MTMR10: variants seen among roughly 807,000 people sequenced by gnomAD.
The protein encoded by MTMR10 is myotubularin-related protein 10.
Under a neutral mutation model 88.1 loss-of-function variants are expected in MTMR10, and 56 were observed. That is an observed-to-expected ratio of 0.64 (90% CI 0.51 to 0.79). The LOEUF (loss-of-function observed/expected upper bound fraction) is 0.79, where lower values mean the gene tolerates loss of function less well. Among genes scored for constraint, MTMR10 ranks in the 30% least tolerant of loss-of-function variants. The probability of loss-of-function intolerance (pLI) is 0.00; values close to 1 mark genes in which losing one functional copy is unlikely to be tolerated. For missense variants in MTMR10, 883 were observed against 924.7 expected (o/e 0.95, Z 0.58); for synonymous variants, 380 against 340.9 (o/e 1.11, Z -1.26).
chr15:30,948,737 T>G, intron 12 of MTMR10: 1 of 506,940 alleles, frequency 2.0e-6, no homozygotes. Flanking sequence ...TACATTCGAA[T>G]GGTTTGTGGT....
intron 5 of MTMR10, among the ~76,000 whole-genome samples, chr15:30,969,131 A>G (rs2063507069): frequency 6.6e-6 from 1 of 152,172 alleles, no homozygotes; most frequent in Non-Finnish European, 1.5e-5. Context: ...TGCACATTTC[A>G]TTAACCAGTA....
chr15:30,945,462 C>T (rs772871305), intron 14 of MTMR10, among the ~76,000 whole-genome samples: 2 of 152,138 alleles, frequency 1.3e-5, no homozygotes, highest in Non-Finnish European at 2.9e-5. Context: ...GGCTGGGAGT[C>T]CTCCACGCAG....
At chr15:30,928,855 T>C in the MTMR10 span, 1 of 903,486 alleles carries the variant, frequency 1.1e-6, no homozygotes, top group African/African-American at 1.8e-5. Flanking sequence ...GTTTTAAACT[T>C]TAATTTAGCC....
At chr15:30,955,480 C>T (rs1212770393) in intron 9 of MTMR10, among the ~76,000 whole-genome samples, 3 of 152,186 alleles carry the variant, frequency 2.0e-5, no homozygotes, top group South Asian at 2.1e-4. Flanking sequence ...CCATGTTGGC[C>T]AGGCTGGTCT....
Position 30,974,437 on chromosome 15 carries a change from C to A in MTMR10, c.351G>T (p.Lys117Asn). 6.4e-7 allele frequency: 1 copy of A among 1,562,396 alleles called. No individual in the cohort carries two copies. The change falls in exon 5 of 16, where the codon AAG becomes AAT. Residue 117 changes from lysine to asparagine, a missense_variant. By Grantham distance (94) the Lys-to-Asn change is moderately conservative. Coordinates refer to ENST00000435680, the MANE Select transcript of MTMR10 (RefSeq NM_017762.3). ...QIVTVNDHKR[K>N]QKVLGPNQKL... ...TCTGGTTGGGGCCTAGGACTTTCTG[C>A]TTCCTCTTGTGGTCGTTTACTAAAA...
Position 30,948,385 on chromosome 15 carries a change from G to GA in MTMR10, c.1293dup (p.Gln432SerfsTer51). On this transcript the variant is annotated frameshift_variant, in exon 13 of 16. Transcript: ENST00000435680. LOFTEE classifies it high-confidence loss of function. ...ACCCACTCCTTCTGTATCAGACTCTGAAATCCAGTAATTGTCCTAAAATAG... is the reference window on the plus strand; with the variant it reads ...ACCCACTCCTTCTGTATCAGACTCTGAAAATCCAGTAATTGTCCTAAAATAG... The GA allele has an allele frequency of 6.2e-7, 1 of 1,613,608 alleles. No individual in the cohort carries two copies. The highest frequency in any genetic ancestry group is 8.5e-7 in the Non-Finnish European group (1 of 1,179,702).
intron 2 of MTMR10, among the ~76,000 whole-genome samples, chr15:30,985,549 TA>T (rs1214118310): frequency 2.0e-5 from 3 of 152,216 alleles, no homozygotes; most frequent in Non-Finnish European, 2.9e-5. Flanking sequence ...GCAAGTTACT[TA>T]ACCTCAGCAA....
chr15:30,974,422 G>A lies in MTMR10; in HGVS notation c.366C>T (p.Gly122=), dbSNP rs947023909. Residue 122 remains glycine (G), a synonymous_variant, in exon 5 of 16, where the codon GGC becomes GGT. Transcript: ENST00000435680. Reference sequence around the variant, plus strand: ...GATTAAATTTCAGTTTCTGGTTGGGGCCTAGGACTTTCTGCTTCCTCTTGT... The same window carrying A: ...GATTAAATTTCAGTTTCTGGTTGGGACCTAGGACTTTCTGCTTCCTCTTGT... ...NDHKRKQKVL[G]PNQKLKFNPT... 1.9e-6 allele frequency: 3 copies of A among 1,583,434 alleles called. No individual in the cohort carries two copies. Among genetic ancestry groups the A allele is most frequent in the African/African-American group, 1.4e-5 (1 of 73,774 alleles).
chr15:30,924,456 G>A, the MTMR10 span, among the ~76,000 whole-genome samples: 1 of 152,188 alleles, frequency 6.6e-6, no homozygotes, highest in Non-Finnish European at 1.5e-5. Flanking sequence ...CACCAGCAAT[G>A]CGTGAGGTTT....
chr15:30,991,077 G>A (rs1312340887), intron 1 of MTMR10, among the ~76,000 whole-genome samples: 2 of 152,160 alleles, frequency 1.3e-5, no homozygotes, highest in Non-Finnish European at 2.9e-5. Context: ...TATGACAGAC[G>A]GGTAACCGCC....
the MTMR10 span, chr15:30,925,187 T>G: frequency 6.2e-7 from 1 of 1,614,066 alleles, no homozygotes; most frequent in South Asian, 1.1e-5. Flanking sequence ...ACACCGCCTT[T>G]CACTGTATCA....
intron 5 of MTMR10, among the ~76,000 whole-genome samples, chr15:30,970,664 G>A (rs1309861479): frequency 6.6e-6 from 1 of 152,132 alleles, no homozygotes; most frequent in Non-Finnish European, 1.5e-5. Context: ...TTACAGAAAA[G>A]AAATTCACAG....
chr15:30,941,255 T>C lies in MTMR10; in HGVS notation c.*215A>G. 1 of 1,460,742 alleles carries C rather than the reference T, an allele frequency of 6.8e-7. No homozygotes were observed. The highest frequency in any genetic ancestry group is 1.2e-5 in the South Asian group (1 of 82,568). The allele number at this position is 1,460,742 out of a possible 1,614,324, so 90.5% of individuals were successfully genotyped here. ...TGATCACGGTTACAAGAGCCAGACC[T>C]GTAATGACAGAAAGAGGACAGGAAC... On this transcript the variant is annotated 3_prime_UTR_variant, in exon 16 of 16. Transcript: ENST00000435680.
At chr15:30,930,720 T>C in the MTMR10 span, 1 of 1,597,546 alleles carries the variant, frequency 6.3e-7, no homozygotes. Flanking sequence ...TATTAGCAAC[T>C]GAATCAGAGG....
intron 12 of MTMR10, chr15:30,950,486 A>T (rs1201781114): frequency 6.6e-6 from 1 of 152,180 alleles, no homozygotes; most frequent in Non-Finnish European, 1.5e-5. Context: ...CCTGGCCAAC[A>T]AGGTGAAACC....
chr15:30,925,791 G>A, the MTMR10 span: 2 of 1,613,978 alleles, frequency 1.2e-6, no homozygotes, highest in African/African-American at 2.7e-5. Flanking sequence ...TGTTTCAGGT[G>A]ACCATCACAG....
chr15:30,940,113 A>G lies in MTMR10; in HGVS notation c.*1357T>C. ...ACACTTTACTATAAAAATTTTCCAT[A>G]TCTTAGGATGGCAGTTTAAGAAACA... On this transcript the variant is annotated 3_prime_UTR_variant, in exon 16 of 16. Transcript: ENST00000435680. 10 of 985,356 alleles carry G rather than the reference A, an allele frequency of 1.0e-5. No homozygotes were observed. Among genetic ancestry groups the G allele is most frequent in the Non-Finnish European group, 1.2e-5 (10 of 829,828 alleles). The allele number at this position is 985,356 out of a possible 1,614,324, so 61.0% of individuals were successfully genotyped here.
chr15:30,924,914 AGCACGTT>A, the MTMR10 span, among the ~76,000 whole-genome samples: 1 of 152,242 alleles, frequency 6.6e-6, no homozygotes, highest in Non-Finnish European at 1.5e-5. Context: ...GTCACGCTCC[AGCACGTT>A]GACTGTGAAG....
intron 14 of MTMR10, chr15:30,943,830 T>C: frequency 1.0e-6 from 1 of 985,422 alleles, no homozygotes; most frequent in Non-Finnish European, 1.2e-6. Flanking sequence ...AGACCATTTC[T>C]ATGAAGCACA....
Sources: allele counts gnomAD v4.1 joint callset (sites outside exome capture counted in the v4.1 genomes callset), GRCh38; gene constraint gnomAD v4.1.1; transcripts MANE v1.5; gene names NCBI Gene and HGNC (gene_info 2026-07-23, HGNC 2026-07-21).